ZNF385D: variants seen among roughly 807,000 people sequenced by gnomAD.
ZNF385D encodes the protein zinc finger protein 385D.
ZNF385D carries 15 observed loss-of-function variants against 35.8 expected under a neutral mutation model. That is an observed-to-expected ratio of 0.42 (90% CI 0.28 to 0.64). The LOEUF (loss-of-function observed/expected upper bound fraction) is 0.64. Ranked by LOEUF, ZNF385D falls within the 30% of genes least tolerant of loss-of-function variation. ZNF385D has a pLI of 0.23. For missense variants in ZNF385D, 474 were observed against 494.6 expected (o/e 0.96, Z 0.39); for synonymous variants, 212 against 186.8 (o/e 1.13, Z -1.10).
At chr3:21,841,885 C>A (rs1173925516) in intron 3 of ZNF385D, among the ~76,000 whole-genome samples, 2 of 151,442 alleles carry the variant, frequency 1.3e-5, no homozygotes, top group Non-Finnish European at 2.9e-5. Flanking sequence ...CTTTCTCTAA[C>A]AAGTCACGCC....
At chr3:21,973,084 G>C (rs1478897407) in intron 3 of ZNF385D, among the ~76,000 whole-genome samples, 1 of 151,812 alleles carries the variant, frequency 6.6e-6, no homozygotes, top group Non-Finnish European at 1.5e-5. Context: ...GGATTACACT[G>C]ATAATAAAAC....
chr3:22,354,884 C>T (rs1696077689), intron 2 of ZNF385D, among the ~76,000 whole-genome samples: 1 of 152,012 alleles, frequency 6.6e-6, no homozygotes, highest in African/African-American at 2.4e-5. Context: ...ACACTAACCA[C>T]ATTTCAAATG....
In ZNF385D at chr3:22,198,098, G is replaced by A. The variant is rs536070924; in HGVS notation, c.107-29063C>T. Among the ~76,000 whole-genome samples the A allele has an allele frequency of 3.3e-5, 5 of 152,028 alleles. No individual in the cohort carries two copies. The South Asian group carries it at 6.2e-4, about 19-fold the overall frequency. ...AGGAAAATAAAAGGTTTAATAATCAGGATTAAAAATGGAGAACAGACACAG... is the reference window on the plus strand; with the variant it reads ...AGGAAAATAAAAGGTTTAATAATCAAGATTAAAAATGGAGAACAGACACAG... On this transcript the variant is annotated intron_variant, in intron 2 of 5. Transcript: ENST00000494108.
chr3:21,853,186 T>C (rs928957230), intron 3 of ZNF385D, among the ~76,000 whole-genome samples: 4 of 151,812 alleles, frequency 2.6e-5, no homozygotes, highest in Non-Finnish European at 5.9e-5. Context: ...TCAAGTGTGA[T>C]TGGTGTTATA....
intron 2 of ZNF385D, among the ~76,000 whole-genome samples, chr3:22,247,961 A>G (rs1367859742): frequency 6.6e-6 from 1 of 152,158 alleles, no homozygotes; most frequent in Non-Finnish European, 1.5e-5. Context: ...GAGCATTTAA[A>G]TCAAAAACAA....
intron 2 of ZNF385D, among the ~76,000 whole-genome samples, chr3:21,609,827 A>G (rs1253715644): frequency 6.6e-6 from 1 of 152,228 alleles, no homozygotes; most frequent in African/African-American, 2.4e-5. Context: ...AAAGCCACGC[A>G]AAGATAAATG....
At chr3:22,309,291 A>ATTTG (rs79132144) in intron 2 of ZNF385D, among the ~76,000 whole-genome samples, 97,430 of 151,364 alleles carry the variant, frequency 0.64, 31,651 homozygotes, top group South Asian at 0.73. Context: ...ACTTGTAATT[A>ATTTG]TTTATCTCTG....
intron 2 of ZNF385D, among the ~76,000 whole-genome samples, chr3:21,599,266 C>A (rs1025672435): frequency 2.0e-5 from 3 of 152,118 alleles, no homozygotes; most frequent in Non-Finnish European, 4.4e-5. Flanking sequence ...CCAGAAAGAT[C>A]TTTTGAGGGA....
intron 3 of ZNF385D, among the ~76,000 whole-genome samples, chr3:22,091,680 G>A (rs571728971): frequency 6.6e-6 from 1 of 152,262 alleles, no homozygotes; most frequent in East Asian, 1.9e-4. Context: ...CACAGACACA[G>A]AGCCCCCCGA....
intron 2 of ZNF385D, among the ~76,000 whole-genome samples, chr3:22,317,106 C>G (rs1294010620): frequency 4.0e-5 from 6 of 151,534 alleles, no homozygotes; most frequent in Non-Finnish European, 8.8e-5. Flanking sequence ...GGAGAAACCC[C>G]TTCTCTACTA....
chr3:22,009,274 G>GAATA (rs137891545), intron 3 of ZNF385D, among the ~76,000 whole-genome samples: 24,960 of 151,866 alleles, frequency 0.16, 2,186 homozygotes, highest in Non-Finnish European at 0.19. Flanking sequence ...ATCAACAGGA[G>GAATA]AATAAATTGT....
intron 3 of ZNF385D, among the ~76,000 whole-genome samples, chr3:22,013,449 T>G (rs1253108271): frequency 6.6e-6 from 1 of 152,156 alleles, no homozygotes; most frequent in Non-Finnish European, 1.5e-5. Context: ...TTTTATGTTT[T>G]GTACTGTAAA....
chr3:21,997,708 A>T (rs188451139), intron 3 of ZNF385D, among the ~76,000 whole-genome samples: 40 of 152,244 alleles, frequency 2.6e-4, no homozygotes, highest in African/African-American at 9.6e-4. Context: ...AACTTTAGAT[A>T]CCAAAAGGAC....
At chr3:22,170,583 T>A (rs1313474800) in intron 2 of ZNF385D, among the ~76,000 whole-genome samples, 1 of 152,210 alleles carries the variant, frequency 6.6e-6, no homozygotes, top group East Asian at 1.9e-4. Flanking sequence ...CTATCTCTCT[T>A]ACTCAGATAA....
intron 3 of ZNF385D, among the ~76,000 whole-genome samples, chr3:21,862,640 C>A (rs1352137): frequency 3.3e-5 from 5 of 151,998 alleles, no homozygotes; most frequent in African/African-American, 1.2e-4. Context: ...AGAGAGCTAA[C>A]TGAATTAGAG....
At chr3:21,866,191 G>A (rs7629785) in intron 3 of ZNF385D, among the ~76,000 whole-genome samples, 63,197 of 151,594 alleles carry the variant, frequency 0.42, 13,393 homozygotes, top group Non-Finnish European at 0.43. Flanking sequence ...AGTGGCTCAC[G>A]CCTATAATCC....
At chr3:21,803,191 G>A (rs1311206352) in intron 3 of ZNF385D, among the ~76,000 whole-genome samples, 1 of 152,100 alleles carries the variant, frequency 6.6e-6, no homozygotes, top group African/African-American at 2.4e-5. Flanking sequence ...AGGAACCTAA[G>A]GGTAGTCATC....
intron 3 of ZNF385D, among the ~76,000 whole-genome samples, chr3:22,012,250 T>A (rs1376399132): frequency 6.6e-6 from 1 of 152,192 alleles, no homozygotes; most frequent in East Asian, 1.9e-4. Flanking sequence ...CATAATGTCT[T>A]ATATTTACAA....
chr3:21,941,448 A>C (rs1410502298), intron 3 of ZNF385D, among the ~76,000 whole-genome samples: 2 of 151,408 alleles, frequency 1.3e-5, no homozygotes, highest in African/African-American at 4.9e-5. Flanking sequence ...GTGATTAAGC[A>C]GGATGTTTTC....
Sources: allele counts gnomAD v4.1 joint callset (sites outside exome capture counted in the v4.1 genomes callset), GRCh38; gene constraint gnomAD v4.1.1; transcripts MANE v1.5; gene names NCBI Gene and HGNC (gene_info 2026-07-23, HGNC 2026-07-21).